The following ZSWIM5 variants were observed in gnomAD, a reference collection of about 807,000 sequenced individuals.
ZSWIM5 encodes the protein zinc finger SWIM-type containing 5.
Under a neutral mutation model 119.6 loss-of-function variants are expected in ZSWIM5, and 55 were observed. That is an observed-to-expected ratio of 0.46 (90% CI 0.37 to 0.58). The LOEUF is 0.58. Ranked by LOEUF, ZSWIM5 falls within the 20% of genes least tolerant of loss-of-function variation. The probability of loss-of-function intolerance (pLI) is 0.00; values close to 1 mark genes in which losing one functional copy is unlikely to be tolerated. For missense variants in ZSWIM5, 1,193 were observed against 1,512.8 expected, an observed-to-expected ratio of 0.79 and a Z score of 3.51; for synonymous variants, 537 against 606.9, an observed-to-expected ratio of 0.88 and a Z score of 1.69.
chr1:45,087,213 T>C (rs1453243618), intron 2 of ZSWIM5, among the ~76,000 whole-genome samples: 2 of 152,322 alleles, frequency 1.3e-5, no homozygotes, highest in East Asian at 3.9e-4. Flanking sequence ...TGGTTTTCTA[T>C]GATTAGGCTT....
chr1:45,024,361 T>C (rs1381864011), intron 11 of ZSWIM5, among the ~76,000 whole-genome samples: 3 of 151,714 alleles, frequency 2.0e-5, no homozygotes, highest in African/African-American at 7.3e-5. Flanking sequence ...CTGGCTACTT[T>C]TTAAATTTTT....
intron 2 of ZSWIM5, among the ~76,000 whole-genome samples, chr1:45,066,178 C>T (rs1303825896): frequency 6.6e-6 from 1 of 151,814 alleles, no homozygotes; most frequent in East Asian, 1.9e-4. Flanking sequence ...CATGTCCCTA[C>T]AAAGGACATG....
At chr1:45,060,361 T>C (rs1353516296) in intron 2 of ZSWIM5, 114 bp from the exon 3 acceptor site, 2 of 1,113,778 alleles carry the variant, frequency 1.8e-6, no homozygotes, top group African/African-American at 1.6e-5. Context: ...TGCTTTAATA[T>C]GGGTTTTGTC....
intron 1 of ZSWIM5, among the ~76,000 whole-genome samples, chr1:45,182,079 C>T (rs1023438143): frequency 1.3e-5 from 2 of 151,992 alleles, no homozygotes; most frequent in African/African-American, 4.8e-5. Flanking sequence ...TCACACATAA[C>T]AATATTAACT....
intron 1 of ZSWIM5, among the ~76,000 whole-genome samples, chr1:45,111,508 AT>A (rs1250314447): frequency 6.6e-6 from 1 of 152,060 alleles, no homozygotes; most frequent in Admixed American, 6.6e-5. Context: ...CAAATGTATT[AT>A]TTTACAGTTC....
chr1:45,104,260 C>T (rs1645456383), intron 1 of ZSWIM5, among the ~76,000 whole-genome samples: 2 of 152,174 alleles, frequency 1.3e-5, no homozygotes, highest in Admixed American at 6.5e-5. Flanking sequence ...TATAAAATAA[C>T]TAATTTCCTT....
rs578143298 is a variant in ZSWIM5 at position 45,172,417 on chromosome 1, G to A, written c.595+33339C>T. Among the ~76,000 whole-genome samples, 18 of 152,132 alleles carry A rather than the reference G, an allele frequency of 1.2e-4. No individual in the cohort carries two copies. The South Asian group carries it at 1.7e-3, about 14-fold the overall frequency. The stretch of plus-strand genomic sequence containing the variant: ...AATTAGCAGTGCAGATATATTCTTA[G>A]TGAAGTGAACTGAAAAGAACAAAAT... On this transcript the variant is annotated intron_variant, in intron 1 of 13. Transcript: ENST00000359600.
At chr1:45,055,378 G>A (rs1264248666) in intron 4 of ZSWIM5, among the ~76,000 whole-genome samples, 1 of 152,100 alleles carries the variant, frequency 6.6e-6, no homozygotes, top group Non-Finnish European at 1.5e-5. Context: ...TGCCTGCCTT[G>A]TCCTCCCAAA....
chr1:45,048,967 A>G (rs529304464), intron 5 of ZSWIM5, among the ~76,000 whole-genome samples: 1 of 152,164 alleles, frequency 6.6e-6, no homozygotes, highest in African/African-American at 2.4e-5. Flanking sequence ...CAAAAAATAC[A>G]CTCACAAAAA....
At chr1:45,024,917 A>T (rs1644911536) in intron 11 of ZSWIM5, among the ~76,000 whole-genome samples, 1 of 152,020 alleles carries the variant, frequency 6.6e-6, no homozygotes, top group African/African-American at 2.4e-5. Flanking sequence ...AGCCTCCCAA[A>T]GTGCTGGGAT....
chr1:45,185,713 C>T lies in ZSWIM5; in HGVS notation c.595+20043G>A, dbSNP rs558073631. Among the ~76,000 whole-genome samples, 7 of 152,306 alleles carry T rather than the reference C, an allele frequency of 4.6e-5. No individual in the cohort carries two copies. In the South Asian group the frequency reaches 1.5e-3, roughly 32 times the overall value. On this transcript the variant is annotated intron_variant, in intron 1 of 13. Transcript: ENST00000359600. Reference sequence around the variant, plus strand: ...AAAACCACAATGAGATACCATCTCACACCAGTTAGAATGGTGATCATTAGA... The same window carrying T: ...AAAACCACAATGAGATACCATCTCATACCAGTTAGAATGGTGATCATTAGA...
At chr1:45,148,494 GAA>G (rs57251077) in intron 1 of ZSWIM5, among the ~76,000 whole-genome samples, 1 of 140,108 alleles carries the variant, frequency 7.1e-6, no homozygotes. Context: ...AAGTTTCATT[GAA>G]AAAAAAAAAA....
At chr1:45,113,252 G>T (rs1040079660) in intron 1 of ZSWIM5, among the ~76,000 whole-genome samples, 2 of 152,188 alleles carry the variant, frequency 1.3e-5, no homozygotes, top group Non-Finnish European at 2.9e-5. Context: ...ATGGCTGAAG[G>T]TTAGATTATA....
chr1:45,205,243 T>C (rs915548321), intron 1 of ZSWIM5, among the ~76,000 whole-genome samples: 1 of 151,968 alleles, frequency 6.6e-6, no homozygotes, highest in African/African-American at 2.4e-5. Context: ...GGAAAAATCC[T>C]AACGCAGACA....
intron 1 of ZSWIM5, among the ~76,000 whole-genome samples, chr1:45,129,674 GAAAAT>G (rs1356766062): frequency 1.3e-5 from 2 of 152,064 alleles, no homozygotes; most frequent in Non-Finnish European, 2.9e-5. Flanking sequence ...ACAATGGAGA[GAAAAT>G]AAAGTCTTTT....
At chr1:45,035,042 C>T (rs1024311379) in intron 10 of ZSWIM5, among the ~76,000 whole-genome samples, 10 of 152,140 alleles carry the variant, frequency 6.6e-5, no homozygotes, top group Non-Finnish European at 1.5e-4. Context: ...CCTGCCTCGG[C>T]CTCCCAAAGT....
rs1646193349 is a variant in ZSWIM5 at position 45,206,494 on chromosome 1, C to T, written c.-144G>A. The T allele has an allele frequency of 8.7e-7, 1 of 1,151,720 alleles. No individual in the cohort carries two copies. The highest frequency in any genetic ancestry group is 1.6e-5 in the African/African-American group (1 of 61,602). 71.3% of individuals were successfully genotyped at this position (1,151,720 alleles called of 1,614,324 possible). A position where few individuals can be genotyped will look rare whatever the true frequency, so the allele number is the denominator to read the frequency against. ...GAGAGAACCCGCGAGCCAGCCGGCC[C>T]GAGTGGGGAACCGCGGCCGGGCCCG... On this transcript the variant is annotated 5_prime_UTR_variant, in exon 1 of 14. Coordinates refer to ENST00000359600, the MANE Select transcript of ZSWIM5 (RefSeq NM_020883.2).
rs763831716 is a variant in ZSWIM5 at position 45,206,357 on chromosome 1, GGACT to G, written c.-11_-8del. 512 of 1,421,878 alleles carry G rather than the reference GGACT, an allele frequency of 3.6e-4. No individual in the cohort carries two copies. Among genetic ancestry groups the G allele is most frequent in the Admixed American group, 5.3e-4 (19 of 36,056 alleles). The allele number at this position is 1,421,878 out of a possible 1,614,324, so 88.1% of individuals were successfully genotyped here. A position where few individuals can be genotyped will look rare whatever the true frequency, so the allele number is the denominator to read the frequency against. On this transcript the variant is annotated 5_prime_UTR_variant, in exon 1 of 14. Coordinates refer to ENST00000359600, the MANE Select transcript of ZSWIM5 (RefSeq NM_020883.2). The stretch of plus-strand genomic sequence containing the variant: ...GCTCACCTCCGTCCGCCATTGCTGG[GGACT>G]GACTGACTGACTGAGGCGGCGGCGG...
At chr1:45,097,804 C>G (rs1331002261) in intron 1 of ZSWIM5, among the ~76,000 whole-genome samples, 4 of 152,062 alleles carry the variant, frequency 2.6e-5, no homozygotes, top group African/African-American at 9.7e-5. Flanking sequence ...CAGGTTCAAG[C>G]AATTCTCCTG....
Sources: allele counts gnomAD v4.1 joint callset (sites outside exome capture counted in the v4.1 genomes callset), GRCh38; gene constraint gnomAD v4.1.1; transcripts MANE v1.5; gene names NCBI Gene and HGNC (gene_info 2026-07-23, HGNC 2026-07-21).